MACF1: variants seen among roughly 807,000 people sequenced by gnomAD.
MACF1 encodes the protein microtubule-actin cross-linking factor 1.
A neutral mutation model predicts 854.8 loss-of-function variants in MACF1; 193 were observed. That is an observed-to-expected ratio of 0.23 (90% CI 0.20 to 0.25). The LOEUF (loss-of-function observed/expected upper bound fraction) is 0.25. Among genes scored for constraint, MACF1 ranks in the 10% least tolerant of loss-of-function variants. The pLI, the probability that MACF1 is intolerant of heterozygous loss-of-function variation, is 1.00. For synonymous variants in MACF1, 3,185 were observed against 3,226.7 expected, an observed-to-expected ratio of 0.99 and a Z score of 0.44; for missense variants, 7,722 against 8,929.1, an observed-to-expected ratio of 0.86 and a Z score of 5.45.
Position 39,310,400 on chromosome 1 carries a change from C to G in MACF1, c.3072C>G (p.Phe1024Leu). 1 of 1,614,078 alleles carries G rather than the reference C, an allele frequency of 6.2e-7. No individual in the cohort carries two copies. Among genetic ancestry groups the G allele is most frequent in the Non-Finnish European group, 8.5e-7 (1 of 1,180,002 alleles). Residue 1024 changes from phenylalanine (F) to leucine (L), a missense_variant, in exon 25 of 101, where the codon TTC becomes TTG. By Grantham distance (22) the Phe-to-Leu change is conservative. This residue lies in a region of MACF1 where 1,137 missense variants were observed against 1,263.0 expected (regional missense o/e 0.90). Transcript: ENST00000564288. Reference protein sequence around the residue: ...EEEVEACKARFQHLMKSMENE... With the variant: ...EEEVEACKARLQHLMKSMENE... ...AGGTGGAAGCTTGTAAAGCCCGCTT[C>G]CAGCACCTGATGAAGTCCATGGAGA... is the stretch of plus-strand genomic sequence containing the variant.
intron 18 of MACF1, 27 bp downstream of exon 18, chr1:39,293,646 T>A: frequency 6.3e-7 from 1 of 1,594,424 alleles, no homozygotes; most frequent in Non-Finnish European, 8.6e-7. Flanking sequence ...AGCAGGCCTG[T>A]CATACTTATT....
upstream of MACF1, among the ~76,000 whole-genome samples, chr1:39,202,121 C>T (rs1644398063): frequency 6.6e-6 from 1 of 150,438 alleles, no homozygotes; most frequent in Non-Finnish European, 1.5e-5. Flanking sequence ...CGACCATCAC[C>T]ACGCCCAGCT....
chr1:39,274,975 C>T (rs908282830), intron 6 of MACF1, among the ~76,000 whole-genome samples: 3 of 151,758 alleles, frequency 2.0e-5, no homozygotes, highest in Non-Finnish European at 2.9e-5. Flanking sequence ...AGGGGAAAGC[C>T]CAGGAATAAG....
intron 2 of MACF1, among the ~76,000 whole-genome samples, chr1:39,185,347 T>C (rs1644154651): frequency 6.6e-6 from 1 of 150,850 alleles, no homozygotes; most frequent in South Asian, 2.1e-4. Context: ...TCAGAAGAGC[T>C]GGGCATGGTA....
At chr1:39,405,920 G>T (rs1403768838) in intron 58 of MACF1, among the ~76,000 whole-genome samples, 2 of 152,064 alleles carry the variant, frequency 1.3e-5, no homozygotes, top group Non-Finnish European at 2.9e-5. Flanking sequence ...ACAAGAGGTG[G>T]AAAGCTGTAT....
At chr1:39,301,434 T>G (rs1248042458) in intron 22 of MACF1, among the ~76,000 whole-genome samples, 1 of 149,512 alleles carries the variant, frequency 6.7e-6, no homozygotes, top group Non-Finnish European at 1.5e-5. Context: ...CCTATTTTAT[T>G]TTATTTTTTG....
rs2124277452 is a variant in MACF1, at chr1:39,486,589, A to G, written c.*795A>G. On this transcript the variant is annotated 3_prime_UTR_variant, in exon 101 of 101. Coordinates refer to ENST00000564288, the MANE Select transcript of MACF1 (RefSeq NM_001394062.1). ...GGCAAGGGATAGGCTCGTTGGTGAC[A>G]TTGTGAATTTCAGATTTGTTTTATC... The G allele has an allele frequency of 6.5e-6, 1 of 152,722 alleles. No individual in the cohort carries two copies. Among genetic ancestry groups the G allele is most frequent in the African/African-American group, 2.4e-5 (1 of 41,572 alleles). 9.5% of individuals were successfully genotyped at this position (152,722 alleles called of 1,614,324 possible).
At chr1:39,253,081 T>C (rs1456337083) in intron 4 of MACF1, among the ~76,000 whole-genome samples, 1 of 152,180 alleles carries the variant, frequency 6.6e-6, no homozygotes, top group Non-Finnish European at 1.5e-5. Context: ...TCTCCAAATT[T>C]TAGTAAAATA....
chr1:39,414,276 G>T (rs370308840), intron 58 of MACF1: 6 of 1,613,934 alleles, frequency 3.7e-6, no homozygotes, highest in Admixed American at 3.3e-5. Context: ...CCATTGGTGT[G>T]CCCTTCCTGG....
intron 58 of MACF1, chr1:39,414,156 A>G: frequency 1.2e-5 from 20 of 1,604,904 alleles, no homozygotes; most frequent in Non-Finnish European, 1.7e-5. Flanking sequence ...CCTCCCCAGC[A>G]GCAGCAGTGC....
At chr1:39,427,829 A>C (rs1381484464) in intron 62 of MACF1, 132 bp from the exon 63 acceptor site, 2 of 925,586 alleles carry the variant, frequency 2.2e-6, no homozygotes, top group Non-Finnish European at 1.6e-6. Context: ...CCCAATTTTT[A>C]TATTATTTTT....
intron 2 of MACF1, among the ~76,000 whole-genome samples, chr1:39,231,535 C>T (rs1457158516): frequency 6.6e-6 from 1 of 152,088 alleles, no homozygotes; most frequent in Non-Finnish European, 1.5e-5. Flanking sequence ...CTAATATAGT[C>T]ATAATGGCAT....
Position 39,332,235 on chromosome 1 carries a change from C to A in MACF1, c.5647C>A (p.Arg1883=). 6.2e-7 allele frequency: 1 copy of A among 1,613,846 alleles called. No homozygotes were observed. The highest frequency in any genetic ancestry group is 1.3e-5 in the African/African-American group (1 of 74,962). ...ACTAGCACATAAAATCCTTAGTAAC[C>A]GACAGCATATTAAGGCTCTGTTTCT... The part of the protein sequence containing the change: ...TELAHKILSN[R]QHIKALFLPA... The change falls in exon 37 of 101, where the codon CGA becomes AGA. Residue 1883 remains arginine (R), a synonymous_variant. Transcript: ENST00000564288.
chr1:39,186,215 T>TCTCTCTC (rs1644170070), intron 2 of MACF1, among the ~76,000 whole-genome samples: 1 of 94,974 alleles, frequency 1.1e-5, no homozygotes, highest in Admixed American at 9.8e-5. Context: ...TCTCTCTCTC[T>TCTCTCTC]GTGTGTGTGT....
chr1:39,147,945 G>T (rs749079694), intron 2 of MACF1, among the ~76,000 whole-genome samples: 7 of 152,104 alleles, frequency 4.6e-5, no homozygotes, highest in African/African-American at 1.2e-4. Context: ...TTCACCCCTT[G>T]TTTATGTTGT....
At chr1:39,481,206 A>G (rs1645005799) in intron 99 of MACF1, among the ~76,000 whole-genome samples, 176 bp downstream of exon 99, 1 of 152,248 alleles carries the variant, frequency 6.6e-6, no homozygotes, top group Non-Finnish European at 1.5e-5. Flanking sequence ...GGATTCACCA[A>G]AATTGGAGAG....
At position 39,346,761 on chromosome 1, in the gene MACF1, C is replaced by T. The variant is rs925526987; in HGVS notation, c.10582-216C>T. On this transcript the variant is annotated intron_variant, in intron 40 of 100. Coordinates refer to ENST00000564288, the MANE Select transcript of MACF1 (RefSeq NM_001394062.1). ...GTCTCCATCTCCTGACCTTGTGATC[C>T]GCCCACCTTGGCCTCCCAAAGTGCT... Among the ~76,000 whole-genome samples, 9 of 152,146 alleles carry T rather than the reference C, an allele frequency of 5.9e-5. No homozygotes were observed. In the South Asian group the frequency reaches 6.2e-4, roughly 11 times the overall value.
chr1:39,335,832 A>C lies in MACF1; in HGVS notation c.9244A>C (p.Thr3082Pro), dbSNP rs1012116387. The change falls in exon 37 of 101, where the codon ACT (threonine) becomes CCT (proline). Residue 3082 changes from threonine to proline, a missense_variant. Around this residue, in one of 15 missense-constraint regions of MACF1, gnomAD observed 854 missense variants for 852.6 expected, o/e 1.00. Transcript: ENST00000564288. Reference protein sequence around the residue: ...GKVNNLSLCLTLKPEENLSRE... With the variant: ...GKVNNLSLCLPLKPEENLSRE... ...AGTAAACAATTTAAGTCTCTGCTTG[A>C]CTTTAAAACCAGAAGAAAACTTATC... The C allele has an allele frequency of 1.2e-6, 2 of 1,614,072 alleles. No homozygotes were observed. Among genetic ancestry groups the C allele is most frequent in the African/African-American group, 2.7e-5 (2 of 74,934 alleles).
At chr1:39,110,553 A>C (rs539549026) in intron 2 of MACF1, among the ~76,000 whole-genome samples, 5 of 152,078 alleles carry the variant, frequency 3.3e-5, no homozygotes, top group Non-Finnish European at 5.9e-5. Flanking sequence ...TCAGTTTTTA[A>C]GTTCCTTTTT....
Sources: allele counts gnomAD v4.1 joint callset (sites outside exome capture counted in the v4.1 genomes callset), GRCh38; gene constraint gnomAD v4.1.1; regional missense constraint gnomAD v4.1.1; transcripts MANE v1.5; gene names NCBI Gene and HGNC (gene_info 2026-07-23, HGNC 2026-07-21).